COL5A3: variants seen among roughly 807,000 people sequenced by gnomAD.
COL5A3 encodes the protein collagen alpha-3(V) chain.
A neutral mutation model predicts 250.0 loss-of-function variants in COL5A3; 172 were observed. The ratio of observed to expected loss-of-function variants is 0.69; its 90% CI spans 0.61 to 0.78. COL5A3 has a LOEUF of 0.78. Among genes scored for constraint, COL5A3 ranks in the 30% least tolerant of loss-of-function variants. The pLI is 0.00. For synonymous variants in COL5A3, 937 were observed against 900.4 expected (o/e 1.04, Z -0.73); for missense variants, 2,340 against 2,334.4 (o/e 1.00, Z -0.05).
chr19:9,961,615 G>C (rs2086673353), intron 65 of COL5A3, among the ~76,000 whole-genome samples: 1 of 147,280 alleles, frequency 6.8e-6, no homozygotes, highest in Admixed American at 6.9e-5. Flanking sequence ...CTGGAGTGCA[G>C]TGGCATGGTC....
intron 24 of COL5A3, 82 bp downstream of exon 24, chr19:9,991,528 G>T (rs2087188714): frequency 9.2e-6 from 11 of 1,199,052 alleles, no homozygotes; most frequent in Middle Eastern, 2.2e-4. Context: ...TAACAGAGGG[G>T]TCTTGGTGGG....
chr19:9,978,871 G>A lies in COL5A3; in HGVS notation c.2964+20C>T, dbSNP rs2145090248. 7.1e-7 allele frequency: 1 copy of A among 1,416,400 alleles called. No individual in the cohort carries two copies. The highest frequency in any genetic ancestry group is 9.3e-7 in the Non-Finnish European group (1 of 1,071,602). 87.7% of individuals were successfully genotyped at this position (1,416,400 alleles called of 1,614,324 possible). A position where few individuals can be genotyped will look rare whatever the true frequency, so the allele number is the denominator to read the frequency against. On this transcript the variant is annotated intron_variant, in intron 40 of 66. Transcript: ENST00000264828. ...TTCCTTCTCTAAGGGACATGCAGGA[G>A]GGTCTCCAAAGATACTCACCGGGTC...
At chr19:9,979,743 C>T in intron 37 of COL5A3, 96 bp downstream of exon 37, 1 of 1,180,368 alleles carries the variant, frequency 8.5e-7, no homozygotes, top group Non-Finnish European at 1.2e-6. Flanking sequence ...CCGAGATTGC[C>T]CCACTGCACT....
chr19:9,984,009 T>C (rs1291969975), intron 31 of COL5A3, among the ~76,000 whole-genome samples: 2 of 151,820 alleles, frequency 1.3e-5, no homozygotes, highest in African/African-American at 4.8e-5. Flanking sequence ...CTGCACTCAA[T>C]TATCTTCCCA....
At chr19:9,965,497 A>C (rs1191124006) in intron 64 of COL5A3, among the ~76,000 whole-genome samples, 3 of 145,322 alleles carry the variant, frequency 2.1e-5, no homozygotes, top group Non-Finnish European at 4.5e-5. Flanking sequence ...TCTGTCACCC[A>C]GGCTGGAGTG....
intron 1 of COL5A3, among the ~76,000 whole-genome samples, chr19:10,007,289 TCTC>T (rs2087457337): frequency 6.6e-6 from 1 of 152,204 alleles, no homozygotes; most frequent in South Asian, 2.1e-4. Context: ...CCTATCCTGA[TCTC>T]CTCCATCTGA....
chr19:9,978,964 G>C lies in COL5A3; in HGVS notation c.2891C>G (p.Pro964Arg), dbSNP rs752047325. 1.3e-6 allele frequency: 2 copies of C among 1,539,070 alleles called. No individual in the cohort carries two copies. Among genetic ancestry groups the C allele is most frequent in the South Asian group, 2.5e-5 (2 of 79,678 alleles). Reference sequence around the variant, plus strand: ...TGGCCCTTCTTTCCCAAGGGGTCCTGGTGGTCCCAGTTCCCCCTACAGGAG... The same window carrying C: ...TGGCCCTTCTTTCCCAAGGGGTCCTCGTGGTCCCAGTTCCCCCTACAGGAG... ...REGAKGELGP[P>R]GPLGKEGPAG... The change falls in exon 40 of 67, where the codon CCA (proline) becomes CGA (arginine). Residue 964 changes from proline to arginine, a missense_variant. Transcript: ENST00000264828.
chr19:9,974,529 G>A (rs1371161161), intron 45 of COL5A3, 121 bp from the exon 46 acceptor site: 5 of 682,752 alleles, frequency 7.3e-6, no homozygotes, highest in Non-Finnish European at 1.2e-5. Flanking sequence ...GTTTAGAGAG[G>A]GTCAGTGTTG....
At chr19:10,007,712 C>T (rs2087463469) in intron 1 of COL5A3, among the ~76,000 whole-genome samples, 5 of 152,172 alleles carry the variant, frequency 3.3e-5, no homozygotes, top group Admixed American at 3.3e-4. Context: ...GGGGCTAAGA[C>T]GTTGGGGAGG....
rs750647473 is a variant in COL5A3, at chr19:9,972,937, A to C, written c.3756T>G (p.Asp1252Glu). ...PPGKKGPPGE[D>E]GAKGSVGPTG... ...GACTCACCACGCTCCCTTTGGCTCCATCCTCTCCAGGGGGACCTTTCTTGC... is the reference window on the plus strand; with the variant it reads ...GACTCACCACGCTCCCTTTGGCTCCCTCCTCTCCAGGGGGACCTTTCTTGC... The change falls in exon 51 of 67, where the codon GAT (aspartate) becomes GAG (glutamate). Residue 1252 changes from aspartate to glutamate, a missense_variant. This residue lies in a region of COL5A3 where 1,179 missense variants were observed against 1,162.6 expected (regional missense o/e 1.01). Coordinates refer to ENST00000264828, the MANE Select transcript of COL5A3 (RefSeq NM_015719.4). 6.2e-7 allele frequency: 1 copy of C among 1,609,314 alleles called. No individual in the cohort carries two copies. The highest frequency in any genetic ancestry group is 8.5e-7 in the Non-Finnish European group (1 of 1,178,214).
chr19:9,984,942 A>ATTTTTTTTTTTTTTT (rs71188874), intron 31 of COL5A3, among the ~76,000 whole-genome samples: 19 of 83,004 alleles, frequency 2.3e-4, no homozygotes, highest in African/African-American at 9.4e-4. Context: ...CATCTGGCTA[A>ATTTTTTTTTTTTTTT]TTTTTTTTTT....
rs1480796809 is a variant in COL5A3 at position 9,990,852 on chromosome 19, C to T, written c.1992+758G>A. Among the ~76,000 whole-genome samples, 10 of 152,092 alleles carry T rather than the reference C, an allele frequency of 6.6e-5. No individual in the cohort carries two copies. In the East Asian group the frequency reaches 1.3e-3, roughly 21 times the overall value. On this transcript the variant is annotated intron_variant, in intron 24 of 66. Transcript: ENST00000264828. Reference sequence around the variant, plus strand: ...TGCTAGGATTACAGGTGTGAACCACCGCACCTGACCAATAAAATTAAATTA... The same window carrying T: ...TGCTAGGATTACAGGTGTGAACCACTGCACCTGACCAATAAAATTAAATTA...
At chr19:9,985,806 C>T (rs11670705) in intron 31 of COL5A3, 36 bp downstream of exon 31, 192,417 of 1,587,044 alleles carry the variant, frequency 0.12, 14,414 homozygotes, top group African/African-American at 0.37. Context: ...GAATCCTGCC[C>T]ATATCCATCT....
chr19:9,979,416 C>T lies in COL5A3; in HGVS notation c.2714G>A (p.Gly905Asp). 1 of 1,614,078 alleles carries T rather than the reference C, an allele frequency of 6.2e-7. No individual in the cohort carries two copies. The change falls in exon 38 of 67, where the codon GGC becomes GAC. Residue 905 changes from glycine (G) to aspartate (D), a missense_variant and splice_region_variant. Coordinates refer to ENST00000264828, the MANE Select transcript of COL5A3 (RefSeq NM_015719.4). ...PGHPGQRGEL[G>D]FQGQTGPPGP... ...AGGCGGGCCTGTCTGACCTTGGAAGCCCTAGAGAGAAAAATTAAATGTGGG... is the reference window on the plus strand; with the variant it reads ...AGGCGGGCCTGTCTGACCTTGGAAGTCCTAGAGAGAAAAATTAAATGTGGG...
chr19:9,992,934 C>T (rs1488888147), intron 20 of COL5A3, 54 bp from the exon 21 acceptor site: 1 of 1,608,744 alleles, frequency 6.2e-7, no homozygotes, highest in African/African-American at 1.3e-5. Context: ...GCCATGTGAG[C>T]TCTAGGGGTC....
At chr19:9,978,827 C>T (rs2086962714) in intron 40 of COL5A3, 64 bp downstream of exon 40, 1 of 1,129,796 alleles carries the variant, frequency 8.9e-7, no homozygotes, top group Non-Finnish European at 1.2e-6. Flanking sequence ...CCCCATCCCT[C>T]CCCTGACCCC....
chr19:10,003,393 T>G (rs532672791), intron 6 of COL5A3, among the ~76,000 whole-genome samples, 172 bp downstream of exon 6: 3 of 150,724 alleles, frequency 2.0e-5, no homozygotes, highest in Non-Finnish European at 3.0e-5. Context: ...ATCAGTCAGC[T>G]GAGAGAAGTC....
In COL5A3 at chr19:9,972,926, C is replaced by A; in HGVS notation, c.3767G>T (p.Gly1256Val). 1 of 1,608,796 alleles carries A rather than the reference C, an allele frequency of 6.2e-7. No homozygotes were observed. The highest frequency in any genetic ancestry group is 8.5e-7 in the Non-Finnish European group (1 of 1,177,680). The change falls in exon 51 of 67, where the codon GGG (glycine) becomes GTG (valine). Residue 1256 changes from glycine (G) to valine (V), a missense_variant. Around this residue, in one of 3 missense-constraint regions of COL5A3, gnomAD observed 1,179 missense variants for 1,162.6 expected, o/e 1.01. Coordinates refer to ENST00000264828, the MANE Select transcript of COL5A3 (RefSeq NM_015719.4). ...KGPPGEDGAK[G>V]SVGPTGLPGD... ...CTTCCCCCCAGGACTCACCACGCTC[C>A]CTTTGGCTCCATCCTCTCCAGGGGG...
chr19:9,973,636 AAGTG>A lies in COL5A3; in HGVS notation c.3613-17_3613-14del. On this transcript the variant is annotated splice_polypyrimidine_tract_variant and intron_variant, in intron 49 of 66. Transcript: ENST00000264828. ...CCCCTCGCTCACCCTGCAGGAGGCA[AAGTG>A]AGAGTGGGGAGAGGTCCCATCCTAG... The A allele has an allele frequency of 3.7e-6, 6 of 1,612,358 alleles. No individual in the cohort carries two copies. Among genetic ancestry groups the A allele is most frequent in the Non-Finnish European group, 5.1e-6 (6 of 1,179,072 alleles).
Sources: gnomAD v4.1 joint callset for allele counts (sites outside exome capture counted in the v4.1 genomes callset) on GRCh38, gnomAD v4.1.1 for gene constraint, gnomAD v4.1.1 regional missense constraint, MANE v1.5 for transcripts, NCBI Gene and HGNC (gene_info 2026-07-23, HGNC 2026-07-21) for gene names.